The following CNTN4 variants were observed in gnomAD, a reference collection of about 807,000 sequenced individuals.
The protein encoded by CNTN4 is contactin 4.
In CNTN4, 77 loss-of-function variants were observed where a neutral mutation model predicts 122.5. The observed-to-expected ratio is 0.63, with a 90% CI of 0.52 to 0.76. The LOEUF (loss-of-function observed/expected upper bound fraction) is 0.76. Ranked by LOEUF, CNTN4 falls within the 30% of genes least tolerant of loss-of-function variation. The pLI is 0.00. For synonymous variants in CNTN4, 512 were observed against 447.0 expected (o/e 1.15, Z -1.83); for missense variants, 1,256 against 1,259.1 (o/e 1.00, Z 0.04).
intron 3 of CNTN4, among the ~76,000 whole-genome samples, chr3:2,509,003 T>G (rs181027118): frequency 6.6e-6 from 1 of 152,296 alleles, no homozygotes; most frequent in Admixed American, 6.5e-5. Flanking sequence ...TAAAAACAAG[T>G]GCAAATCACA....
chr3:2,501,611 C>A (rs973151073), intron 3 of CNTN4, among the ~76,000 whole-genome samples: 5 of 152,176 alleles, frequency 3.3e-5, no homozygotes, highest in Admixed American at 2.6e-4. Context: ...TCCCCACCCT[C>A]ACTTCCGTTG....
intron 14 of CNTN4, among the ~76,000 whole-genome samples, chr3:2,991,379 G>T (rs1695035703): frequency 6.6e-6 from 1 of 152,146 alleles, no homozygotes; most frequent in South Asian, 2.1e-4. Context: ...GTTATTTCTG[G>T]CAGTGGCTCC....
intron 4 of CNTN4, among the ~76,000 whole-genome samples, chr3:2,716,828 G>C (rs780846134): frequency 1.2e-4 from 18 of 152,014 alleles, no homozygotes; most frequent in Non-Finnish European, 2.5e-4. Flanking sequence ...TGCTTTGTGT[G>C]TCTATGTATT....
At chr3:2,602,045 C>A (rs1011803232) in intron 4 of CNTN4, among the ~76,000 whole-genome samples, 12 of 152,292 alleles carry the variant, frequency 7.9e-5, no homozygotes, top group African/African-American at 2.9e-4. Context: ...TTCAACAGCT[C>A]TTCATACTGA....
chr3:2,157,716 T>A (rs989979348), intron 2 of CNTN4, among the ~76,000 whole-genome samples: 1 of 152,210 alleles, frequency 6.6e-6, no homozygotes, highest in Non-Finnish European at 1.5e-5. Context: ...AATGTAACTT[T>A]TACACTTTAT....
intron 7 of CNTN4, among the ~76,000 whole-genome samples, chr3:2,854,268 C>CCT (rs1553665933): frequency 2.2e-5 from 2 of 90,052 alleles, no homozygotes; most frequent in Non-Finnish European, 4.0e-5. Flanking sequence ...CTTTCTTCTT[C>CCT]TTTTTTTTTT....
In CNTN4 at chr3:2,342,848, T is replaced by C. The variant is rs77544128; in HGVS notation, c.-89+3615T>C. On this transcript the variant is annotated intron_variant, in intron 3 of 24. Transcript: ENST00000418658. ...TTAGCAGCATGAGAATGGACTAATA[T>C]ACATGTATAAGAAATACCTAGAATA... Among the ~76,000 whole-genome samples the C allele has an allele frequency of 1.8e-4, 27 of 152,308 alleles. 1 individual carries two copies. The East Asian group carries it at 4.3e-3, about 24-fold the overall frequency.
intron 3 of CNTN4, among the ~76,000 whole-genome samples, chr3:2,537,385 T>C (rs2077852381): frequency 6.6e-6 from 1 of 152,128 alleles, no homozygotes; most frequent in South Asian, 2.1e-4. Context: ...TTCAGCATCC[T>C]CAGAGTCCTT....
At chr3:2,876,590 C>A (rs2093847546) in intron 8 of CNTN4, among the ~76,000 whole-genome samples, 1 of 152,218 alleles carries the variant, frequency 6.6e-6, no homozygotes, top group African/African-American at 2.4e-5. Context: ...GCACGCAACT[C>A]TGCAAACTGG....
chr3:2,719,754 T>G lies in CNTN4; in HGVS notation c.56-16461T>G, dbSNP rs183827202. Among the ~76,000 whole-genome samples, 4 of 152,220 alleles carry G rather than the reference T, an allele frequency of 2.6e-5. No homozygotes were observed. The East Asian group carries it at 7.8e-4, about 30-fold the overall frequency. On this transcript the variant is annotated intron_variant, in intron 4 of 24. Coordinates refer to ENST00000418658, the MANE Select transcript of CNTN4 (RefSeq NM_175607.3). ...TTCACTTTTGAAATAGAATGAAAAG[T>G]TAATTTACATAGAAAATTCAAAAAT...
At chr3:2,839,510 T>C (rs1259659928) in intron 7 of CNTN4, among the ~76,000 whole-genome samples, 1 of 152,196 alleles carries the variant, frequency 6.6e-6, no homozygotes, top group African/African-American at 2.4e-5. Context: ...GAGGGGTTTA[T>C]TGCTTCTCTT....
At chr3:2,176,689 G>A (rs1048071793) in intron 2 of CNTN4, among the ~76,000 whole-genome samples, 1 of 152,066 alleles carries the variant, frequency 6.6e-6, no homozygotes, top group African/African-American at 2.4e-5. Flanking sequence ...ACTGGACCAA[G>A]ATTATCACTT....
chr3:2,367,642 C>A (rs926298605), intron 3 of CNTN4, among the ~76,000 whole-genome samples: 1 of 152,088 alleles, frequency 6.6e-6, no homozygotes, highest in Non-Finnish European at 1.5e-5. Context: ...TACCACCACA[C>A]CCGGCTAATT....
At chr3:3,054,382 A>T (rs1260031514) in intron 24 of CNTN4, among the ~76,000 whole-genome samples, 2 of 152,260 alleles carry the variant, frequency 1.3e-5, no homozygotes, top group African/African-American at 4.8e-5. Context: ...CAGTGTATGC[A>T]GTTCAGTATC....
intron 2 of CNTN4, among the ~76,000 whole-genome samples, chr3:2,248,055 TC>T (rs1559377334): frequency 6.6e-6 from 1 of 151,982 alleles, no homozygotes; most frequent in African/African-American, 2.4e-5. Flanking sequence ...GTTTACTATC[TC>T]CTCATGCTAG....
chr3:2,812,094 A>AG (rs2092626523), intron 6 of CNTN4, among the ~76,000 whole-genome samples: 1 of 152,158 alleles, frequency 6.6e-6, no homozygotes, highest in Non-Finnish European at 1.5e-5. Flanking sequence ...GGACACATAA[A>AG]GGGGAACACC....
intron 13 of CNTN4, among the ~76,000 whole-genome samples, chr3:2,967,404 C>A (rs114063383): frequency 6.6e-6 from 1 of 152,096 alleles, no homozygotes; most frequent in East Asian, 1.9e-4. Context: ...TCTGGCCTCA[C>A]GACTCCTAAA....
chr3:2,526,714 G>T (rs1449868050), intron 3 of CNTN4, among the ~76,000 whole-genome samples: 1 of 151,892 alleles, frequency 6.6e-6, no homozygotes, highest in East Asian at 1.9e-4. Flanking sequence ...CTAATATTTT[G>T]ATATAAAAAT....
At chr3:2,140,514 G>A (rs984714372) in intron 2 of CNTN4, among the ~76,000 whole-genome samples, 2 of 152,050 alleles carry the variant, frequency 1.3e-5, no homozygotes, top group Admixed American at 1.3e-4. Flanking sequence ...TTCATAGATG[G>A]GCCTTCTTGC....
Sources: allele counts gnomAD v4.1 joint callset (sites outside exome capture counted in the v4.1 genomes callset), GRCh38; gene constraint gnomAD v4.1.1; transcripts MANE v1.5; gene names NCBI Gene and HGNC (gene_info 2026-07-23, HGNC 2026-07-21).